The following MOCS1 variants were observed in gnomAD, a reference collection of about 807,000 sequenced individuals.
MOCS1 encodes molybdenum cofactor biosynthesis protein 1.
MOCS1 carries 39 observed loss-of-function variants against 57.6 expected under a neutral mutation model. The ratio of observed to expected loss-of-function variants is 0.68; its 90% CI spans 0.52 to 0.88. The LOEUF (loss-of-function observed/expected upper bound fraction) is 0.88. MOCS1 is among the 40% of genes least tolerant of loss of function. The pLI is 0.00. For missense variants in MOCS1, 795 were observed against 831.1 expected (o/e 0.96, Z 0.53); for synonymous variants, 334 against 335.7 (o/e 1.00, Z 0.05).
chr6:39,909,399 G>A (rs1413150657), intron 9 of MOCS1, among the ~76,000 whole-genome samples: 3 of 151,940 alleles, frequency 2.0e-5, no homozygotes, highest in Non-Finnish European at 2.9e-5. Flanking sequence ...AAACAAACGC[G>A]CTTGACAGCC....
chr6:39,934,384 G>A lies in MOCS1; in HGVS notation c.34C>T (p.Arg12Trp), dbSNP rs1425959654. 15 of 1,561,790 alleles carry A rather than the reference G, an allele frequency of 9.6e-6. No individual in the cohort carries two copies. The East Asian group carries it at 1.6e-4, about 17-fold the overall frequency. ...CTCCGGGCGCTGGACCTCAGAAGCC[G>A]CCGCAGCATCCGGGACAGTGGCCGC... Reference protein sequence around the residue: ...AARPLSRMLRRLLRSSARSCS... With the variant: ...AARPLSRMLRWLLRSSARSCS... Residue 12 changes from arginine to tryptophan, a missense_variant, in exon 1 of 11, where the codon CGG becomes TGG. Coordinates refer to ENST00000340692, the MANE Select transcript of MOCS1 (RefSeq NM_001358530.2).
rs894437921 is a variant in MOCS1 at position 39,906,203 on chromosome 6, G to A, written c.*154C>T. On this transcript the variant is annotated 3_prime_UTR_variant, in exon 11 of 11. Coordinates refer to ENST00000340692, the MANE Select transcript of MOCS1 (RefSeq NM_001358530.2). ...GTCATTAGAGATCATCTAGCAGCAGGCCTGTTTGTTAGTAGTAGAGCAGGC... is the reference window on the plus strand; with the variant it reads ...GTCATTAGAGATCATCTAGCAGCAGACCTGTTTGTTAGTAGTAGAGCAGGC... 3.3e-6 allele frequency: 3 copies of A among 921,186 alleles called. No homozygotes were observed. Among genetic ancestry groups the A allele is most frequent in the African/African-American group, 1.6e-5 (1 of 61,888 alleles). The allele number at this position is 921,186 out of a possible 1,614,324, so 57.1% of individuals were successfully genotyped here. A position where few individuals can be genotyped will look rare whatever the true frequency, so the allele number is the denominator to read the frequency against.
At chr6:39,912,811 G>T in intron 7 of MOCS1, 81 bp downstream of exon 7, 1 of 1,073,568 alleles carries the variant, frequency 9.3e-7, no homozygotes, top group Non-Finnish European at 1.5e-6. Context: ...CCACCACAGT[G>T]CAGCTCCCTG....
rs774108934 is a variant in MOCS1 at position 39,905,461 on chromosome 6, C to G, written c.*896G>C. 4.2e-6 allele frequency: 2 copies of G among 471,078 alleles called. No individual in the cohort carries two copies. The highest frequency in any genetic ancestry group is 1.5e-5 in the South Asian group (1 of 64,574). The allele number at this position is 471,078 out of a possible 1,614,324, so 29.2% of individuals were successfully genotyped here. ...TTGATTGATTGATTGATAGGTGCAG[C>G]CTTCCCTGTGAAACTGCAGCAGCTC... On this transcript the variant is annotated 3_prime_UTR_variant, in exon 11 of 11. Coordinates refer to ENST00000340692, the MANE Select transcript of MOCS1 (RefSeq NM_001358530.2).
At chr6:39,919,504 C>G (rs1007665282) in intron 3 of MOCS1, among the ~76,000 whole-genome samples, 7 of 119,446 alleles carry the variant, frequency 5.9e-5, no homozygotes, top group African/African-American at 2.1e-4. Flanking sequence ...AAAAAACAAA[C>G]AAAAAACAGC....
intron 5 of MOCS1, 125 bp from the exon 6 acceptor site, chr6:39,913,553 C>A (rs576522920): frequency 3.1e-5 from 31 of 984,982 alleles, no homozygotes; most frequent in Non-Finnish European, 4.4e-5. Flanking sequence ...TTCTCCCACT[C>A]AGTTCTCTAA....
intron 8 of MOCS1, among the ~76,000 whole-genome samples, chr6:39,911,383 C>T (rs1170989917): frequency 3.3e-5 from 5 of 152,180 alleles, no homozygotes; most frequent in East Asian, 3.9e-4. Context: ...TCTCCTTCCG[C>T]GAACATTACC....
Position 39,904,511 on chromosome 6 carries a change from G to A in MOCS1, c.*1846C>T, listed in dbSNP as rs1766690277. 2.2e-6 allele frequency: 1 copy of A among 454,330 alleles called. No homozygotes were observed. Among genetic ancestry groups the A allele is most frequent in the Non-Finnish European group, 4.4e-6 (1 of 226,962 alleles). The allele number at this position is 454,330 out of a possible 1,614,324, so 28.1% of individuals were successfully genotyped here. A position where few individuals can be genotyped will look rare whatever the true frequency, so the allele number is the denominator to read the frequency against. On this transcript the variant is annotated 3_prime_UTR_variant, in exon 11 of 11. Coordinates refer to ENST00000340692, the MANE Select transcript of MOCS1 (RefSeq NM_001358530.2). ...ATAAGTTTCTCTAGCTAATTTTGTG[G>A]CCAATGTAAAATTCGTCATCAACCT...
chr6:39,909,724 C>A (rs1455382498), intron 9 of MOCS1, 111 bp downstream of exon 9: 2 of 1,474,794 alleles, frequency 1.4e-6, no homozygotes, highest in Non-Finnish European at 9.3e-7. Context: ...CTGACTCTCG[C>A]CAGCTTCCCC....
intron 3 of MOCS1, among the ~76,000 whole-genome samples, chr6:39,924,650 T>C (rs1768171100): frequency 6.6e-6 from 1 of 152,234 alleles, no homozygotes; most frequent in Admixed American, 6.5e-5. Context: ...AAAGCAGCCA[T>C]GGGCAATATG....
chr6:39,933,790 G>C (rs1233251301), intron 1 of MOCS1, among the ~76,000 whole-genome samples: 2 of 152,042 alleles, frequency 1.3e-5, no homozygotes, highest in African/African-American at 4.8e-5. Context: ...AAAAGACAAG[G>C]AGAGTCAGCA....
intron 8 of MOCS1, among the ~76,000 whole-genome samples, chr6:39,911,257 G>A (rs760775106): frequency 1.3e-5 from 2 of 152,138 alleles, no homozygotes; most frequent in Non-Finnish European, 2.9e-5. Flanking sequence ...TCAGCAACCT[G>A]CTGGATGGTT....
At chr6:39,926,038 T>C (rs1206009534) in intron 2 of MOCS1, among the ~76,000 whole-genome samples, 193 bp from the exon 3 acceptor site, 1 of 152,238 alleles carries the variant, frequency 6.6e-6, no homozygotes, top group Non-Finnish European at 1.5e-5. Flanking sequence ...TTCTCATTTC[T>C]GAAACGTTAA....
chr6:39,914,853 A>G (rs549114519), intron 4 of MOCS1, among the ~76,000 whole-genome samples: 2 of 152,296 alleles, frequency 1.3e-5, no homozygotes, highest in African/African-American at 4.8e-5. Context: ...GATGTCTCCA[A>G]TCCATGTGCC....
Position 39,909,970 on chromosome 6 carries a change from G to A in MOCS1, c.982-15C>T. On this transcript the variant is annotated splice_polypyrimidine_tract_variant and intron_variant, in intron 8 of 10. Transcript: ENST00000340692. Reference sequence around the variant, plus strand: ...AAGAGGCAGACCTACATGTGGGTGAGGACAATATGCCTTCCTTACCCCTGA... The same window carrying A: ...AAGAGGCAGACCTACATGTGGGTGAAGACAATATGCCTTCCTTACCCCTGA... 1.2e-6 allele frequency: 2 copies of A among 1,612,422 alleles called. No homozygotes were observed. The highest frequency in any genetic ancestry group is 2.2e-5 in the East Asian group (1 of 44,874).
chr6:39,904,776 G>A lies in MOCS1; in HGVS notation c.*1581C>T, dbSNP rs764687913. On this transcript the variant is annotated 3_prime_UTR_variant, in exon 11 of 11. Coordinates refer to ENST00000340692, the MANE Select transcript of MOCS1 (RefSeq NM_001358530.2). The stretch of plus-strand genomic sequence containing the variant: ...GCCTCAGATGACAAATGAGGCTAAT[G>A]GACATAATCTACAGTGTCCTTTTTC... 1.5e-5 allele frequency: 7 copies of A among 454,072 alleles called. No homozygotes were observed. Among genetic ancestry groups the A allele is most frequent in the South Asian group, 1.1e-4 (7 of 64,466 alleles). The allele number at this position is 454,072 out of a possible 1,614,324, so 28.1% of individuals were successfully genotyped here.
intron 3 of MOCS1, among the ~76,000 whole-genome samples, chr6:39,920,446 T>G (rs1371100464): frequency 6.6e-6 from 1 of 152,164 alleles, no homozygotes; most frequent in African/African-American, 2.4e-5. Flanking sequence ...GATATGTTAA[T>G]GAAAACAGTG....
chr6:39,913,934 G>T, intron 4 of MOCS1, 99 bp from the exon 5 acceptor site: 1 of 1,251,554 alleles, frequency 8.0e-7, no homozygotes, highest in Non-Finnish European at 1.2e-6. Flanking sequence ...CTGGAGATTG[G>T]CAAACGTTTT....
intron 1 of MOCS1, among the ~76,000 whole-genome samples, chr6:39,928,621 C>T (rs1270860287): frequency 6.6e-6 from 1 of 152,158 alleles, no homozygotes; most frequent in African/African-American, 2.4e-5. Context: ...AGACAAGGTT[C>T]TGGAATGGGA....
Sources: gnomAD v4.1 joint callset for allele counts (sites outside exome capture counted in the v4.1 genomes callset) on GRCh38, gnomAD v4.1.1 for gene constraint, MANE v1.5 for transcripts, NCBI Gene and HGNC (gene_info 2026-07-23, HGNC 2026-07-21) for gene names.